CACNB4: variants seen among roughly 807,000 people sequenced by gnomAD.
CACNB4 encodes the protein voltage-dependent L-type calcium channel subunit beta-4.
CACNB4 carries 32 observed loss-of-function variants against 71.2 expected under a neutral mutation model. The observed-to-expected ratio is 0.45, with a 90% confidence interval of 0.34 to 0.60. The LOEUF is 0.60. Ranked by LOEUF, CACNB4 falls within the 20% of genes least tolerant of loss-of-function variation. The pLI, the probability that CACNB4 is intolerant of heterozygous loss-of-function variation, is 0.01. For missense variants in CACNB4, 464 were observed against 647.9 expected, an observed-to-expected ratio of 0.72 and a Z score of 3.08; for synonymous variants, 231 against 236.9, an observed-to-expected ratio of 0.97 and a Z score of 0.23.
intron 5 of CACNB4, among the ~76,000 whole-genome samples, chr2:151,875,955 G>A (rs1165290262): frequency 4.6e-5 from 6 of 130,952 alleles, no homozygotes; most frequent in Admixed American, 7.4e-5. Flanking sequence ...CGGACGGGGC[G>A]GCTGGCCGGG....
rs867086217 is a variant in CACNB4, at chr2:151,837,752, G to T, written c.*1367C>A. ...TAATTATAGCCACTGGAAAAACTGT[G>T]AAGACTTAATAAGATGAAGAGGAGT... On this transcript the variant is annotated 3_prime_UTR_variant, in exon 14 of 14. Transcript: ENST00000539935. 83 of 152,030 alleles carry T rather than the reference G, an allele frequency of 5.5e-4. No individual in the cohort carries two copies. The highest frequency in any genetic ancestry group is 1.8e-3 in the African/African-American group (76 of 41,406). 9.4% of individuals were successfully genotyped at this position (152,030 alleles called of 1,614,324 possible).
At chr2:151,902,894 T>C (rs2151510672) in intron 2 of CACNB4, among the ~76,000 whole-genome samples, 1 of 152,340 alleles carries the variant, frequency 6.6e-6, no homozygotes, top group East Asian at 1.9e-4. Flanking sequence ...CAGAATTCTT[T>C]TGAACCCTGG....
chr2:151,961,334 G>C (rs143965333), intron 2 of CACNB4, among the ~76,000 whole-genome samples: 5 of 152,272 alleles, frequency 3.3e-5, no homozygotes, highest in Admixed American at 3.3e-4. Flanking sequence ...GGTATTTGAA[G>C]GCAGTCATGG....
At chr2:152,051,054 C>T (rs1224438208) in intron 2 of CACNB4, among the ~76,000 whole-genome samples, 1 of 152,002 alleles carries the variant, frequency 6.6e-6, no homozygotes, top group Non-Finnish European at 1.5e-5. Context: ...AGATGTGAGC[C>T]GCTGGGCCCA....
chr2:152,025,853 T>A (rs950323322), intron 2 of CACNB4, among the ~76,000 whole-genome samples: 1 of 152,262 alleles, frequency 6.6e-6, no homozygotes, highest in African/African-American at 2.4e-5. Flanking sequence ...GAATTTTTCT[T>A]GTGTGGATTT....
intron 2 of CACNB4, among the ~76,000 whole-genome samples, chr2:151,914,669 T>G (rs557110089): frequency 2.0e-5 from 3 of 152,190 alleles, no homozygotes; most frequent in Non-Finnish European, 4.4e-5. Flanking sequence ...GGCCTTTTGT[T>G]GTTGTTGATG....
chr2:151,876,104 C>A (rs1055636101), intron 5 of CACNB4, among the ~76,000 whole-genome samples: 3 of 152,046 alleles, frequency 2.0e-5, no homozygotes, highest in African/African-American at 7.2e-5. Context: ...CCAAGAGGAG[C>A]CATACTGCTG....
chr2:151,838,019 A>G lies in CACNB4; in HGVS notation c.*1100T>C, dbSNP rs1229742038. Reference sequence around the variant, plus strand: ...TTAGCATGATTTAAAGAATTTGTTGAAGGGCCAGAACATTCAGATATTCAA... The same window carrying G: ...TTAGCATGATTTAAAGAATTTGTTGGAGGGCCAGAACATTCAGATATTCAA... On this transcript the variant is annotated 3_prime_UTR_variant, in exon 14 of 14. Coordinates refer to ENST00000539935, the MANE Select transcript of CACNB4 (RefSeq NM_000726.5). 1.3e-5 allele frequency: 2 copies of G among 152,212 alleles called. No individual in the cohort carries two copies. Among genetic ancestry groups the G allele is most frequent in the Admixed American group, 1.3e-4 (2 of 15,270 alleles). 9.4% of individuals were successfully genotyped at this position (152,212 alleles called of 1,614,324 possible). A position where few individuals can be genotyped will look rare whatever the true frequency, so the allele number is the denominator to read the frequency against.
chr2:151,871,205 C>G (rs1346049599), intron 6 of CACNB4: 1 of 248,390 alleles, frequency 4.0e-6, no homozygotes, highest in African/African-American at 2.2e-5. Context: ...TTGCTGGGAA[C>G]AAGGTAGACA....
At chr2:151,872,072 C>T in intron 6 of CACNB4, 1 of 268,988 alleles carries the variant, frequency 3.7e-6, no homozygotes, top group East Asian at 1.4e-4. Flanking sequence ...TGAGAGTCTG[C>T]ATCATTTTTT....
intron 2 of CACNB4, among the ~76,000 whole-genome samples, chr2:152,024,600 C>T (rs1233078410): frequency 2.7e-5 from 4 of 150,418 alleles, no homozygotes; most frequent in Non-Finnish European, 5.9e-5. Flanking sequence ...GAAATACTTG[C>T]CCCAATAGTT....
intron 2 of CACNB4, among the ~76,000 whole-genome samples, chr2:152,059,283 CTG>C (rs559694412): frequency 1.5e-3 from 230 of 152,346 alleles, no homozygotes; most frequent in Non-Finnish European, 2.6e-3. Context: ...ACAGCCTGCA[CTG>C]TGTGTGTGCC....
intron 2 of CACNB4, among the ~76,000 whole-genome samples, chr2:152,031,910 C>G (rs563153800): frequency 2.2e-4 from 34 of 152,316 alleles, no homozygotes; most frequent in African/African-American, 8.2e-4. Flanking sequence ...AAGCACCGTG[C>G]TGACAGTCTT....
chr2:152,002,346 A>G (rs1682473684), intron 2 of CACNB4, among the ~76,000 whole-genome samples: 1 of 152,206 alleles, frequency 6.6e-6, no homozygotes, highest in East Asian at 1.9e-4. Context: ...TTTTAGGAAG[A>G]CAATTTTTTT....
chr2:152,090,839 C>T (rs1365949187), intron 2 of CACNB4, among the ~76,000 whole-genome samples: 1 of 151,754 alleles, frequency 6.6e-6, no homozygotes, highest in East Asian at 1.9e-4. Context: ...TGAAGTCAGG[C>T]ATTCAAGACC....
chr2:151,996,331 C>T (rs548175192), intron 2 of CACNB4, among the ~76,000 whole-genome samples: 1 of 152,198 alleles, frequency 6.6e-6, no homozygotes, highest in Admixed American at 6.5e-5. Flanking sequence ...TCATATACTG[C>T]TTAGACAACC....
chr2:151,902,798 A>G (rs2099853811), intron 2 of CACNB4, among the ~76,000 whole-genome samples: 1 of 152,086 alleles, frequency 6.6e-6, no homozygotes, highest in Non-Finnish European at 1.5e-5. Flanking sequence ...TAGAAATTAA[A>G]AAAAAAAAAT....
At position 151,915,882 on chromosome 2, in the gene CACNB4, T is replaced by G. The variant is rs143985566; in HGVS notation, c.148-32512A>C. 2.9e-3 allele frequency among the ~76,000 whole-genome samples: 436 copies of G among 150,908 alleles called. 4 individuals are homozygous for G. The highest frequency in any genetic ancestry group is 0.01 in the African/African-American group (419 of 41,078). On this transcript the variant is annotated intron_variant, in intron 2 of 13. Coordinates refer to ENST00000539935, the MANE Select transcript of CACNB4 (RefSeq NM_000726.5). The stretch of plus-strand genomic sequence containing the variant: ...AAAAAAAAAAAAAGAATGTGCACAT[T>G]CTGGGGTTGGGACGCTAGGCCCTGG...
rs139448267 is a variant in CACNB4 at position 151,860,787 on chromosome 2, A to G, written c.792T>C (p.Ser264=). The G allele has an allele frequency of 1.9e-4, 300 of 1,613,530 alleles. 1 individual carries two copies. The African/African-American group carries it at 3.8e-3, about 20-fold the overall frequency. The part of the protein sequence containing the change: ...ISITRVTADI[S]LAKRSVLNNP... Reference sequence around the variant, plus strand: ...TATTTAGGACAGACCTCTTAGCAAGAGAAATGTCAGCTGTCACTCTCGTTA... The same window carrying G: ...TATTTAGGACAGACCTCTTAGCAAGGGAAATGTCAGCTGTCACTCTCGTTA... The change falls in exon 10 of 14, where the codon TCT becomes TCC. Residue 264 remains serine, a synonymous_variant. Coordinates refer to ENST00000539935, the MANE Select transcript of CACNB4 (RefSeq NM_000726.5).
Sources: allele counts gnomAD v4.1 joint callset (sites outside exome capture counted in the v4.1 genomes callset), GRCh38; gene constraint gnomAD v4.1.1; transcripts MANE v1.5; gene names NCBI Gene and HGNC (gene_info 2026-07-23, HGNC 2026-07-21).